The following PLCG2 variants were observed in gnomAD, a reference collection of about 807,000 sequenced individuals.
PLCG2 encodes the protein 1-phosphatidylinositol 4,5-bisphosphate phosphodiesterase gamma-2.
In PLCG2, 69 loss-of-function variants were observed where a neutral mutation model predicts 175.6. The observed-to-expected ratio is 0.39, with a 90% CI of 0.32 to 0.48. PLCG2 has a LOEUF of 0.48. Among genes scored for constraint, PLCG2 ranks in the 20% least tolerant of loss-of-function variants. The pLI is 0.91. For missense variants in PLCG2, 1,798 were observed against 1,650.9 expected (o/e 1.09, Z -1.54); for synonymous variants, 827 against 624.0 (o/e 1.33, Z -4.85).
chr16:81,922,265 A>T (rs770486961), intron 21 of PLCG2, among the ~76,000 whole-genome samples: 23 of 152,190 alleles, frequency 1.5e-4, no homozygotes, highest in Non-Finnish European at 2.8e-4. Flanking sequence ...ACTCACATTG[A>T]TGGATCCAGT....
At chr16:81,853,677 C>G (rs1480566240) in intron 2 of PLCG2, among the ~76,000 whole-genome samples, 1 of 152,126 alleles carries the variant, frequency 6.6e-6, no homozygotes, top group African/African-American at 2.4e-5. Context: ...CAGTCCATGG[C>G]CTGGGGGTTG....
Position 81,893,432 on chromosome 16 carries a change from C to A in PLCG2, c.987-277C>A, listed in dbSNP as rs182839741. 4.7e-5 allele frequency among the ~76,000 whole-genome samples: 5 copies of A among 106,240 alleles called. No individual in the cohort carries two copies. The East Asian group carries it at 1.1e-3, about 23-fold the overall frequency. The allele number at this position is 106,240 out of a possible 152,430, so 69.7% of individuals were successfully genotyped here. ...GCTTCTGACGTGCTTTGACCAACTTCTCCTCAAAAGAACACGTCCTCTCCA... is the reference window on the plus strand; with the variant it reads ...GCTTCTGACGTGCTTTGACCAACTTATCCTCAAAAGAACACGTCCTCTCCA... On this transcript the variant is annotated intron_variant, in intron 11 of 32. Transcript: ENST00000564138.
rs35014411 is a variant in PLCG2, at chr16:81,805,783, GTTT to G, written c.193+19614_193+19616del. ...TTTTGTTTTGTTTTTTTTTTTTTTTGTTTTTTTTTTTTTTTGCTGTTATTGTTG... is the reference window on the plus strand; with the variant it reads ...TTTTGTTTTGTTTTTTTTTTTTTTTGTTTTTTTTTTTTGCTGTTATTGTTG... On this transcript the variant is annotated intron_variant, in intron 2 of 32. Coordinates refer to ENST00000564138, the MANE Select transcript of PLCG2 (RefSeq NM_002661.5). Among the ~76,000 whole-genome samples the G allele has an allele frequency of 6.0e-4, 50 of 82,932 alleles. 1 individual carries two copies. The highest frequency in any genetic ancestry group is 1.8e-3 in the African/African-American group (32 of 18,074). 54.4% of individuals were successfully genotyped at this position (82,932 alleles called of 152,430 possible).
intron 2 of PLCG2, among the ~76,000 whole-genome samples, chr16:81,792,181 C>G (rs148204381): frequency 1.3e-5 from 2 of 152,236 alleles, no homozygotes; most frequent in African/African-American, 4.8e-5. Context: ...TCTTATGGTG[C>G]TAATAAAGAC....
chr16:81,819,390 C>T (rs960969990), intron 2 of PLCG2, among the ~76,000 whole-genome samples: 3 of 152,092 alleles, frequency 2.0e-5, no homozygotes, highest in African/African-American at 7.2e-5. Context: ...CGAGGGAGCT[C>T]CTGCGAATCC....
chr16:81,745,232 C>A (rs150057808), intron 1 of PLCG2, among the ~76,000 whole-genome samples: 2 of 152,166 alleles, frequency 1.3e-5, no homozygotes, highest in Admixed American at 1.3e-4. Flanking sequence ...AGCCTCCCTC[C>A]CACTGATTGG....
chr16:81,895,827 G>T lies in PLCG2; in HGVS notation c.1093G>T (p.Asp365Tyr), dbSNP rs775728338. ...TGTAGTGGACTGCTGGGACGGGCCC[G>T]ATGGGAAGCCGGTCATCTACCATGG... ...CIELDCWDGP[D>Y]GKPVIYHGWT... Residue 365 changes from aspartate to tyrosine, a missense_variant, in exon 13 of 33, where the codon GAT (aspartate) becomes TAT (tyrosine). Asp to Tyr is a radical substitution (Grantham distance 160). Transcript: ENST00000564138. 21 of 1,614,008 alleles carry T rather than the reference G, an allele frequency of 1.3e-5. No homozygotes were observed. Among genetic ancestry groups the T allele is most frequent in the Non-Finnish European group, 1.7e-5 (20 of 1,180,004 alleles).
At chr16:81,955,786 C>G (rs1365976294) in intron 31 of PLCG2, among the ~76,000 whole-genome samples, 2 of 152,188 alleles carry the variant, frequency 1.3e-5, no homozygotes, top group Admixed American at 1.3e-4. Context: ...GGTCATGTGC[C>G]TGGAGGTTGT....
chr16:81,955,192 C>G (rs760937667), intron 31 of PLCG2, among the ~76,000 whole-genome samples: 10 of 152,286 alleles, frequency 6.6e-5, no homozygotes, highest in African/African-American at 1.9e-4. Context: ...TCCCCCTTCT[C>G]CAAAGTCACA....
At chr16:81,781,883 C>A (rs895827178) in intron 1 of PLCG2, among the ~76,000 whole-genome samples, 2 of 108,412 alleles carry the variant, frequency 1.8e-5, no homozygotes, top group African/African-American at 6.7e-5. Context: ...CCCCCCCGCC[C>A]GCCCCCGAGA....
At chr16:81,915,406 A>C (rs1298138309) in intron 19 of PLCG2, among the ~76,000 whole-genome samples, 1 of 152,160 alleles carries the variant, frequency 6.6e-6, no homozygotes, top group Non-Finnish European at 1.5e-5. Flanking sequence ...CCCGGCTGTG[A>C]TTGGTGGAAG....
intron 31 of PLCG2, among the ~76,000 whole-genome samples, chr16:81,950,738 C>G (rs189858822): frequency 2.8e-4 from 43 of 152,216 alleles, no homozygotes; most frequent in African/African-American, 1.0e-3. Context: ...TAATAATTTT[C>G]TAAATATACT....
intron 3 of PLCG2, among the ~76,000 whole-genome samples, chr16:81,856,044 C>G (rs549832924): frequency 9.2e-5 from 14 of 152,254 alleles, no homozygotes; most frequent in African/African-American, 2.9e-4. Flanking sequence ...AGGATGTGAA[C>G]TTTGATATAT....
rs765087864 is a variant in PLCG2, at chr16:81,928,543, C to T, written c.2515-15C>T. 1.7e-5 allele frequency: 26 copies of T among 1,562,670 alleles called. No individual in the cohort carries two copies. Among genetic ancestry groups the T allele is most frequent in the South Asian group, 1.2e-4 (11 of 89,964 alleles). ...CCGTTACAACTAACGTGAGTTATGT[C>T]TTGTTTCTTCACAGATTATTGAAGA... On this transcript the variant is annotated splice_polypyrimidine_tract_variant and intron_variant, in intron 23 of 32. Transcript: ENST00000564138.
At chr16:81,911,332 G>T (rs1391205133) in intron 18 of PLCG2, among the ~76,000 whole-genome samples, 1 of 151,936 alleles carries the variant, frequency 6.6e-6, no homozygotes, top group Non-Finnish European at 1.5e-5. Flanking sequence ...CCAAAACCTT[G>T]TGAAACTCCT....
At chr16:81,789,050 A>G (rs1451009644) in intron 2 of PLCG2, among the ~76,000 whole-genome samples, 3 of 152,234 alleles carry the variant, frequency 2.0e-5, no homozygotes, top group Non-Finnish European at 2.9e-5. Context: ...AGTATAGGGT[A>G]TTAACCATGG....
intron 24 of PLCG2, among the ~76,000 whole-genome samples, chr16:81,929,888 C>G (rs762916938): frequency 6.6e-6 from 1 of 152,246 alleles, no homozygotes; most frequent in Non-Finnish European, 1.5e-5. Context: ...TTTGTATCAT[C>G]TTCCCCCATC....
chr16:81,784,872 A>G (rs1054394481), intron 1 of PLCG2, among the ~76,000 whole-genome samples: 1 of 151,968 alleles, frequency 6.6e-6, no homozygotes, highest in East Asian at 1.9e-4. Flanking sequence ...TCTAAGTCCT[A>G]TTTTGGGGGC....
chr16:81,897,514 T>G (rs1349195025), intron 13 of PLCG2, among the ~76,000 whole-genome samples: 1 of 151,266 alleles, frequency 6.6e-6, no homozygotes, highest in Non-Finnish European at 1.5e-5. Context: ...ATAAGATCGA[T>G]TATTTTTTCT....
Sources: gnomAD v4.1 joint callset for allele counts (sites outside exome capture counted in the v4.1 genomes callset) on GRCh38, gnomAD v4.1.1 for gene constraint, MANE v1.5 for transcripts, NCBI Gene and HGNC (gene_info 2026-07-23, HGNC 2026-07-21) for gene names.